The following ZKSCAN7 variants were observed in gnomAD, a reference collection of about 807,000 sequenced individuals.
The protein encoded by ZKSCAN7 is zinc finger with KRAB and SCAN domains 7.
A neutral mutation model predicts 65.3 loss-of-function variants in ZKSCAN7; 38 were observed. That is an observed-to-expected ratio of 0.58 (90% confidence interval 0.45 to 0.76). The LOEUF (loss-of-function observed/expected upper bound fraction) is 0.76. ZKSCAN7 is among the 30% of genes least tolerant of loss of function. The pLI, the probability that ZKSCAN7 is intolerant of heterozygous loss-of-function variation, is 0.00. For synonymous variants in ZKSCAN7, 321 were observed against 321.0 expected (o/e 1.00, Z 0.00); for missense variants, 815 against 913.3 (o/e 0.89, Z 1.39).
chr3:44,577,670 A>G (rs1215827866), intron 5 of ZKSCAN7, among the ~76,000 whole-genome samples: 2 of 152,154 alleles, frequency 1.3e-5, no homozygotes, highest in Non-Finnish European at 2.9e-5. Flanking sequence ...GGACTAACAC[A>G]GATGCCCGCC....
chr3:44,577,469 T>G (rs1197425088), intron 5 of ZKSCAN7, among the ~76,000 whole-genome samples: 1 of 151,728 alleles, frequency 6.6e-6, no homozygotes, highest in East Asian at 1.9e-4. Flanking sequence ...GGGTGAGGAG[T>G]CAGTGCTGTG....
At chr3:44,558,719 C>T (rs917102750) in intron 2 of ZKSCAN7, among the ~76,000 whole-genome samples, 3 of 149,194 alleles carry the variant, frequency 2.0e-5, no homozygotes, top group African/African-American at 7.4e-5. Flanking sequence ...CTTTTTCCTC[C>T]TCCTCCTCCT....
At chr3:44,555,870 A>T (rs148243833) in intron 1 of ZKSCAN7, among the ~76,000 whole-genome samples, 1 of 152,324 alleles carries the variant, frequency 6.6e-6, no homozygotes, top group Non-Finnish European at 1.5e-5. Flanking sequence ...GTTTTCCTCC[A>T]CTTCAGTGTC....
chr3:44,571,263 C>A lies in ZKSCAN7; in HGVS notation c.2153C>A (p.Pro718His). The A allele has an allele frequency of 6.2e-7, 1 of 1,614,216 alleles. No individual in the cohort carries two copies. The highest frequency in any genetic ancestry group is 8.5e-7 in the Non-Finnish European group (1 of 1,180,048). ...CAGAGAGTCCACACCGGAGAGAAAC[C>A]TTATGAATGTAGTGAATGTGGGAAA... Reference protein sequence around the residue: ...VHQRVHTGEKPYECSECGKAF... With the variant: ...VHQRVHTGEKHYECSECGKAF... The change falls in exon 6 of 6, where the codon CCT (proline) becomes CAT (histidine). Residue 718 changes from proline to histidine, a missense_variant. Transcript: ENST00000426540.
chr3:44,581,181 G>T (rs1302948105), intron 5 of ZKSCAN7, among the ~76,000 whole-genome samples: 1 of 146,956 alleles, frequency 6.8e-6, no homozygotes, highest in Non-Finnish European at 1.5e-5. Context: ...ACGCGCCGAG[G>T]CTCCTGAGCC....
intron 2 of ZKSCAN7, among the ~76,000 whole-genome samples, chr3:44,559,359 C>T (rs965062119): frequency 2.6e-5 from 4 of 152,110 alleles, no homozygotes; most frequent in African/African-American, 9.7e-5. Context: ...TAGAGGTCCC[C>T]TCTACCCCTT....
intron 5 of ZKSCAN7, among the ~76,000 whole-genome samples, chr3:44,581,335 C>G (rs112886704): frequency 2.6e-5 from 4 of 151,218 alleles, no homozygotes; most frequent in South Asian, 2.1e-4. Context: ...CGTCCCGGCT[C>G]GTCCGCGCCG....
intron 5 of ZKSCAN7, chr3:44,580,523 C>T: frequency 1.2e-6 from 2 of 1,612,688 alleles, no homozygotes; most frequent in African/African-American, 1.3e-5. Context: ...GCCCAGGCTC[C>T]TGCGGTGTGG....
At chr3:44,565,321 T>C (rs1170792585) in intron 2 of ZKSCAN7, among the ~76,000 whole-genome samples, 166 bp from the exon 3 acceptor site, 1 of 152,074 alleles carries the variant, frequency 6.6e-6, no homozygotes, top group Non-Finnish European at 1.5e-5. Context: ...TAGATTCTGC[T>C]TTCACAGTTT....
At chr3:44,573,673 CTA>C (rs959597843), downstream of ZKSCAN7, among the ~76,000 whole-genome samples, 4 of 152,188 alleles carry the variant, frequency 2.6e-5, no homozygotes, top group African/African-American at 9.7e-5. Context: ...AAGCCCAACC[CTA>C]TATGAGCACA....
intron 3 of ZKSCAN7, among the ~76,000 whole-genome samples, chr3:44,565,865 A>G (rs1699617195): frequency 6.6e-6 from 1 of 152,218 alleles, no homozygotes; most frequent in Non-Finnish European, 1.5e-5. Flanking sequence ...GTCGTAGGAA[A>G]GGCACTGCCA....
In ZKSCAN7 at chr3:44,570,785, G is replaced by A. The variant is rs1361755098; in HGVS notation, c.1675G>A (p.Ala559Thr). The change falls in exon 6 of 6, where the codon GCC becomes ACC. Residue 559 changes from alanine to threonine, a missense_variant. Transcript: ENST00000426540. ...TTATGAGTGTAGTGAATGTGGCAAA[G>A]CCTTCAGTCGGAGTAAATGTCTTAT... ...KPYECSECGK[A>T]FSRSKCLIRH... 11 of 1,614,090 alleles carry A rather than the reference G, an allele frequency of 6.8e-6. No individual in the cohort carries two copies. Among genetic ancestry groups the A allele is most frequent in the South Asian group, 1.1e-5 (1 of 91,088 alleles).
chr3:44,558,340 C>G (rs539237622), intron 2 of ZKSCAN7, among the ~76,000 whole-genome samples: 7 of 152,176 alleles, frequency 4.6e-5, no homozygotes, highest in African/African-American at 1.7e-4. Flanking sequence ...GCCTGGCCAA[C>G]ATGGCAAAGC....
At chr3:44,564,718 T>C (rs113535481) in intron 2 of ZKSCAN7, among the ~76,000 whole-genome samples, 1 of 152,252 alleles carries the variant, frequency 6.6e-6, no homozygotes, top group Admixed American at 6.5e-5. Flanking sequence ...GTAGCATTAT[T>C]TGTGCACATC....
chr3:44,565,323 T>C (rs887080065), intron 2 of ZKSCAN7, among the ~76,000 whole-genome samples, 164 bp from the exon 3 acceptor site: 1 of 152,098 alleles, frequency 6.6e-6, no homozygotes, highest in Non-Finnish European at 1.5e-5. Context: ...GATTCTGCTT[T>C]CACAGTTTTT....
At chr3:44,575,162 G>C (rs1452590343), downstream of ZKSCAN7, among the ~76,000 whole-genome samples, 3 of 152,110 alleles carry the variant, frequency 2.0e-5, no homozygotes, top group Non-Finnish European at 2.9e-5. Flanking sequence ...TGGGTGTATT[G>C]GTGCATGCCT....
At position 44,565,552 on chromosome 3, in the gene ZKSCAN7, G is replaced by A. The variant is rs1575365855; in HGVS notation, c.489G>A (p.Lys163=). 2 of 1,613,050 alleles carry A rather than the reference G, an allele frequency of 1.2e-6. No individual in the cohort carries two copies. The highest frequency in any genetic ancestry group is 2.2e-5 in the East Asian group (1 of 44,856). The change falls in exon 3 of 6, where the codon AAG becomes AAA. Residue 163 remains lysine, a synonymous_variant. Coordinates refer to ENST00000426540, the MANE Select transcript of ZKSCAN7 (RefSeq NM_001288590.2). ...FEETTALGTT[K]ESPPTSPLSG... ...AGACAACAGCTCTGGGTACAACAAA[G>A]GAATCTCCTCCTACCTCACCCCTCA...
chr3:44,569,178 A>G (rs1271747888), intron 5 of ZKSCAN7, among the ~76,000 whole-genome samples: 1 of 152,186 alleles, frequency 6.6e-6, no homozygotes, highest in East Asian at 1.9e-4. Flanking sequence ...CTAACCTACA[A>G]ATAGACCCTT....
At position 44,571,583 on chromosome 3, in the gene ZKSCAN7, T is replaced by A. The variant is rs539996735; in HGVS notation, c.*208T>A. The A allele has an allele frequency of 9.4e-6, 13 of 1,376,470 alleles. No homozygotes were observed. The African/African-American group carries it at 1.9e-4, about 20-fold the overall frequency. The allele number at this position is 1,376,470 out of a possible 1,614,324, so 85.3% of individuals were successfully genotyped here. ...GGTAAGGACTACACATGTCATTGAA[T>A]TGTAGGTTTCCTTTTTTTTTCTTTA... On this transcript the variant is annotated 3_prime_UTR_variant, in exon 6 of 6. Coordinates refer to ENST00000426540, the MANE Select transcript of ZKSCAN7 (RefSeq NM_001288590.2).
Sources: allele counts gnomAD v4.1 joint callset (sites outside exome capture counted in the v4.1 genomes callset), GRCh38; gene constraint gnomAD v4.1.1; transcripts MANE v1.5; gene names NCBI Gene and HGNC (gene_info 2026-07-23, HGNC 2026-07-21).